SLC9B1: variants seen among roughly 807,000 people sequenced by gnomAD.
SLC9B1 encodes solute carrier family 9 member B1, also known as sodium/hydrogen exchanger 9B1.
A neutral mutation model predicts 51.7 loss-of-function variants in SLC9B1; 32 were observed. The ratio of observed to expected loss-of-function variants is 0.62; its 90% CI spans 0.47 to 0.83. SLC9B1 has a LOEUF of 0.83. Among genes scored for constraint, SLC9B1 ranks in the 40% least tolerant of loss-of-function variants. The pLI, the probability that SLC9B1 is intolerant of heterozygous loss-of-function variation, is 0.00. For synonymous variants in SLC9B1, 145 were observed against 212.7 expected (o/e 0.68, Z 2.77); for missense variants, 406 against 613.2 (o/e 0.66, Z 3.57).
chr4:102,933,785 GAA>G lies in SLC9B1; in HGVS notation c.654-1488_654-1487del, dbSNP rs1471515547. ...TCAATTAAAAACACAAAATATCTAA[GAA>G]AAAAACTGTGAAGATAGTCTATACT... is the stretch of plus-strand genomic sequence containing the variant. On this transcript the variant is annotated intron_variant, in intron 6 of 11. Transcript: ENST00000296422. Among the ~76,000 whole-genome samples the G allele has an allele frequency of 3.3e-5, 5 of 151,986 alleles. No individual in the cohort carries two copies. In the East Asian group the frequency reaches 7.7e-4, roughly 23 times the overall value.
chr4:102,972,933 T>C (rs974678353), intron 3 of SLC9B1, among the ~76,000 whole-genome samples: 5 of 152,186 alleles, frequency 3.3e-5, no homozygotes, highest in African/African-American at 1.2e-4. Context: ...TTAATTCAAG[T>C]ACACATATTA....
At chr4:102,934,287 A>G (rs1370439591) in intron 6 of SLC9B1, among the ~76,000 whole-genome samples, 1 of 152,220 alleles carries the variant, frequency 6.6e-6, no homozygotes, top group African/African-American at 2.4e-5. Context: ...TAATAGTGAC[A>G]TATAAATAGA....
At chr4:103,016,581 G>C (rs1352872552) in intron 1 of SLC9B1, 3 of 145,888 alleles carry the variant, frequency 2.1e-5, no homozygotes, top group African/African-American at 7.6e-5. Context: ...TTCTAAGCAT[G>C]ATTCAGTACT....
intron 6 of SLC9B1, chr4:102,941,417 G>C: frequency 2.2e-6 from 1 of 453,340 alleles, no homozygotes; most frequent in Admixed American, 2.4e-5. Context: ...TAACATTAGA[G>C]AAATGCAAAA....
At chr4:102,968,925 T>A (rs1738585356) in intron 3 of SLC9B1, among the ~76,000 whole-genome samples, 1 of 152,196 alleles carries the variant, frequency 6.6e-6, no homozygotes, top group Non-Finnish European at 1.5e-5. Context: ...AGAGCCTTGC[T>A]TACTGCTAGC....
chr4:102,893,172 C>G (rs1349109683), intron 11 of SLC9B1, among the ~76,000 whole-genome samples: 1 of 148,498 alleles, frequency 6.7e-6, no homozygotes, highest in African/African-American at 2.5e-5. Context: ...ATCCCAGCTA[C>G]TCGGGAGGCT....
intron 3 of SLC9B1, among the ~76,000 whole-genome samples, chr4:102,980,548 C>T (rs1160597277): frequency 6.6e-6 from 1 of 151,852 alleles, no homozygotes; most frequent in Non-Finnish European, 1.5e-5. Flanking sequence ...ATGATGAGAA[C>T]ACATGGGGGG....
In SLC9B1 at chr4:102,885,448, G is replaced by A. The variant is rs754165955; in HGVS notation, c.1333-120C>T. 4.4e-6 allele frequency: 7 copies of A among 1,601,896 alleles called. No homozygotes were observed. Among genetic ancestry groups the A allele is most frequent in the African/African-American group, 2.7e-5 (2 of 74,768 alleles). ...CTAAAACGGTAAGATGTCTGTTTAC[G>A]TGTACACTAAAATTTTGCAGTGCTA... On this transcript the variant is annotated intron_variant, in intron 11 of 11. Coordinates refer to the SLC9B1 transcript ENST00000394789.
At chr4:102,899,542 T>C (rs1345860440), downstream of SLC9B1, among the ~76,000 whole-genome samples, 1 of 151,638 alleles carries the variant, frequency 6.6e-6, no homozygotes, top group Non-Finnish European at 1.5e-5. Flanking sequence ...GCCTTCTGAG[T>C]AGCTGGGATT....
intron 1 of SLC9B1, among the ~76,000 whole-genome samples, chr4:102,999,525 G>A (rs1241475464): frequency 6.6e-6 from 1 of 152,042 alleles, no homozygotes; most frequent in Non-Finnish European, 1.5e-5. Flanking sequence ...TTGGCTTAAG[G>A]TCATATAACA....
intron 11 of SLC9B1, chr4:102,888,678 G>A (rs1275282136): frequency 6.6e-6 from 1 of 152,250 alleles, no homozygotes; most frequent in African/African-American, 2.4e-5. Flanking sequence ...CAGGCCTGTA[G>A]TCCCAACTGC....
At chr4:102,936,894 C>T (rs1477622739) in intron 6 of SLC9B1, among the ~76,000 whole-genome samples, 1 of 152,094 alleles carries the variant, frequency 6.6e-6, no homozygotes, top group Non-Finnish European at 1.5e-5. Flanking sequence ...CCAGGAAATG[C>T]AGAGAACCCC....
intron 7 of SLC9B1, chr4:102,912,030 G>A (rs1735363650): frequency 1.0e-5 from 2 of 199,290 alleles, no homozygotes; most frequent in South Asian, 6.2e-5. Flanking sequence ...GTACTCGGGA[G>A]GCTGAGGGAG....
At chr4:103,006,433 G>C (rs1280933404) in intron 1 of SLC9B1, among the ~76,000 whole-genome samples, 1 of 152,054 alleles carries the variant, frequency 6.6e-6, no homozygotes, top group African/African-American at 2.4e-5. Flanking sequence ...AACCTCCCAA[G>C]ATTGAACCAG....
intron 7 of SLC9B1, among the ~76,000 whole-genome samples, chr4:102,923,017 C>T (rs1735962220): frequency 6.6e-6 from 1 of 152,132 alleles, no homozygotes; most frequent in African/African-American, 2.4e-5. Context: ...GAAACTATTC[C>T]AATCAATAGA....
rs1278359180 is a variant in SLC9B1, at chr4:102,940,879, A to G, written c.653+4314T>C. On this transcript the variant is annotated intron_variant, in intron 6 of 11. Transcript: ENST00000296422. ...GACAAAAACAAGCAATGGGGAAAGG[A>G]ATCCCTACTCGGAAATTGTGCTGGG... Among the ~76,000 whole-genome samples, 3 of 152,194 alleles carry G rather than the reference A, an allele frequency of 2.0e-5. No individual in the cohort carries two copies. The South Asian group carries it at 6.2e-4, about 31-fold the overall frequency.
intron 1 of SLC9B1, among the ~76,000 whole-genome samples, chr4:103,015,722 T>A (rs985474430): frequency 6.6e-6 from 1 of 152,180 alleles, no homozygotes; most frequent in Non-Finnish European, 1.5e-5. Flanking sequence ...TCATACCTTA[T>A]CTTCATTGAG....
chr4:102,958,372 C>G lies in SLC9B1; in HGVS notation c.212-8945G>C, dbSNP rs1048497294. 1.3e-3 allele frequency among the ~76,000 whole-genome samples: 200 copies of G among 152,328 alleles called. 3 individuals carry two copies. The highest frequency in any genetic ancestry group is 4.0e-4 in the Non-Finnish European group (27 of 68,022). On this transcript the variant is annotated intron_variant, in intron 3 of 11. Transcript: ENST00000296422. ...CCTGAAGCCTTCCCAGAAGCAGATGCCTGCATGCTTCCTGTACAGCCTGAA... is the reference window on the plus strand; with the variant it reads ...CCTGAAGCCTTCCCAGAAGCAGATGGCTGCATGCTTCCTGTACAGCCTGAA...
downstream of SLC9B1, among the ~76,000 whole-genome samples, chr4:102,899,563 GCCACCACA>G (rs1734695761): frequency 2.0e-5 from 3 of 151,740 alleles, no homozygotes; most frequent in South Asian, 6.2e-4. Context: ...ACAGGTGTGC[GCCACCACA>G]CCTGACAAAT....
Sources: gnomAD v4.1 joint callset for allele counts (sites outside exome capture counted in the v4.1 genomes callset) on GRCh38, gnomAD v4.1.1 for gene constraint, MANE v1.5 for transcripts, NCBI Gene and HGNC (gene_info 2026-07-23, HGNC 2026-07-21) for gene names.